C1orf159: variants seen among roughly 807,000 people sequenced by gnomAD.
C1orf159 encodes uncharacterized protein C1orf159.
C1orf159 carries 19 observed loss-of-function variants against 25.6 expected under a neutral mutation model. The ratio of observed to expected loss-of-function variants is 0.74; its 90% CI spans 0.52 to 1.09. The LOEUF is 1.09. Ranked by LOEUF, C1orf159 falls within the 50% of genes least tolerant of loss-of-function variation. The probability of loss-of-function intolerance (pLI) is 0.00; values close to 1 mark genes in which losing one functional copy is unlikely to be tolerated. For missense variants in C1orf159, 274 were observed against 290.6 expected, an observed-to-expected ratio of 0.94 and a Z score of 0.42; for synonymous variants, 139 against 124.7, an observed-to-expected ratio of 1.12 and a Z score of -0.77.
chr1:1,099,116 G>A (rs201332138), intron 1 of C1orf159, among the ~76,000 whole-genome samples: 2,690 of 88,432 alleles, frequency 0.03, 10 homozygotes, highest in African/African-American at 0.099. Flanking sequence ...TAAAATCTCT[G>A]ACGATGATTG....
intron 1 of C1orf159, among the ~76,000 whole-genome samples, chr1:1,095,505 C>T (rs1368904163): frequency 2.0e-5 from 3 of 152,232 alleles, no homozygotes; most frequent in Admixed American, 6.5e-5. Flanking sequence ...ATAAACTTTG[C>T]ACCTTAGCCT....
At position 1,111,855 on chromosome 1, in the gene C1orf159, G is replaced by A. The variant is rs112807825; in HGVS notation, c.-136+4205C>T. Among the ~76,000 whole-genome samples the A allele has an allele frequency of 3.3e-3, 502 of 152,330 alleles. 3 individuals carry two copies. The highest frequency in any genetic ancestry group is 0.011 in the African/African-American group (472 of 41,570). ...CAAGCAAAGGAAGCCAACGTGAAAC[G>A]TAGCTTTAAGGGCCCAATAAGAACT... is the stretch of plus-strand genomic sequence containing the variant. On this transcript the variant is annotated intron_variant, in intron 1 of 9. Transcript: ENST00000421241.
intron 1 of C1orf159, among the ~76,000 whole-genome samples, chr1:1,108,151 C>A (rs113118746): frequency 6.8e-6 from 1 of 146,036 alleles, no homozygotes; most frequent in Non-Finnish European, 1.5e-5. Context: ...GCAGCACCGT[C>A]CACCACAGCC....
chr1:1,084,497 AG>A lies in C1orf159; in HGVS notation c.454del (p.Leu152CysfsTer9), dbSNP rs1557744924. ...GTTACTTACGGCTTCGCCAGGCTGCAGGGCCGGAGCTGTGGGGGAGAAAGCG... is the reference window on the plus strand; with the variant it reads ...GTTACTTACGGCTTCGCCAGGCTGCAGGCCGGAGCTGTGGGGGAGAAAGCG... Reference protein sequence around the residue: ...ACYRRNKAPALQPGEAAAMIP... With the variant: ...ACYRRNKAPAXQPGEAAAMIP... On this transcript the variant is annotated frameshift_variant, in exon 8 of 10. Coordinates refer to ENST00000421241, the MANE Select transcript of C1orf159 (RefSeq NM_017891.5). LOFTEE classifies it high-confidence loss of function. 1 of 1,555,434 alleles carries A rather than the reference AG, an allele frequency of 6.4e-7. No homozygotes were observed. The highest frequency in any genetic ancestry group is 1.9e-5 in the Admixed American group (1 of 51,294).
chr1:1,113,577 C>T (rs1646291790), intron 1 of C1orf159, among the ~76,000 whole-genome samples: 1 of 152,132 alleles, frequency 6.6e-6, no homozygotes, highest in Non-Finnish European at 1.5e-5. Flanking sequence ...AGCATGTTAG[C>T]AGCAGTGAAC....
chr1:1,104,571 G>A (rs1022493779), intron 1 of C1orf159, among the ~76,000 whole-genome samples: 3 of 152,168 alleles, frequency 2.0e-5, no homozygotes, highest in Non-Finnish European at 4.4e-5. Context: ...AGAAACCAAG[G>A]CGATTTTAGT....
rs938765127 is a variant in C1orf159, at chr1:1,082,805, C to A, written c.*88G>T. On this transcript the variant is annotated 3_prime_UTR_variant, in exon 10 of 10. Coordinates refer to ENST00000421241, the MANE Select transcript of C1orf159 (RefSeq NM_017891.5). Reference sequence around the variant, plus strand: ...GCCCAGGACTGTCCCGGGCGCCGGGCGATGCCAACACTTTGTGCTGGTTCC... The same window carrying A: ...GCCCAGGACTGTCCCGGGCGCCGGGAGATGCCAACACTTTGTGCTGGTTCC... 7 of 1,235,088 alleles carry A rather than the reference C, an allele frequency of 5.7e-6. No homozygotes were observed. Among genetic ancestry groups the A allele is most frequent in the Non-Finnish European group, 8.1e-6 (7 of 861,870 alleles). 76.5% of individuals were successfully genotyped at this position (1,235,088 alleles called of 1,614,324 possible).
Position 1,087,046 on chromosome 1 carries a change from G to T in C1orf159, c.310+93C>A. The T allele has an allele frequency of 1.5e-6, 2 of 1,295,524 alleles. No homozygotes were observed. Among genetic ancestry groups the T allele is most frequent in the Non-Finnish European group, 2.2e-6 (2 of 925,864 alleles). 80.3% of individuals were successfully genotyped at this position (1,295,524 alleles called of 1,614,324 possible). On this transcript the variant is annotated intron_variant, in intron 6 of 9. Coordinates refer to ENST00000421241, the MANE Select transcript of C1orf159 (RefSeq NM_017891.5). This position sits in a 1 kb window ranked among gnomAD's most constrained non-coding sequence, Gnocchi z 8.3. ...TGTTTTGCAGAACCCTGAGCCTGCT[G>T]TGGCTGCGTCAAGGGTGAGGGTCTG... is the stretch of plus-strand genomic sequence containing the variant.
chr1:1,082,845 C>G lies in C1orf159; in HGVS notation c.*48G>C, dbSNP rs773051033. The G allele has an allele frequency of 1.3e-6, 2 of 1,503,456 alleles. No homozygotes were observed. Among genetic ancestry groups the G allele is most frequent in the African/African-American group, 2.8e-5 (2 of 72,178 alleles). 93.1% of individuals were successfully genotyped at this position (1,503,456 alleles called of 1,614,324 possible). A position where few individuals can be genotyped will look rare whatever the true frequency, so the allele number is the denominator to read the frequency against. ...GTGCTGGTTCCCGCCAAGGGGTCGG[C>G]CTCCGGGTCCCTGCCGCCAAGTGCG... On this transcript the variant is annotated 3_prime_UTR_variant, in exon 10 of 10. Transcript: ENST00000421241.
intron 1 of C1orf159, among the ~76,000 whole-genome samples, chr1:1,098,053 T>C (rs2100759044): frequency 6.6e-6 from 1 of 152,210 alleles, no homozygotes; most frequent in South Asian, 2.1e-4. Context: ...TCTTCTGTTA[T>C]TTTTTCCCCA....
rs1199566084 is a variant in C1orf159 at position 1,110,959 on chromosome 1, C to T, written c.-136+5101G>A. Among the ~76,000 whole-genome samples the T allele has an allele frequency of 6.6e-6, 1 of 152,206 alleles. No individual in the cohort carries two copies. The highest frequency in any genetic ancestry group is 6.5e-5 in the Admixed American group (1 of 15,284). On this transcript the variant is annotated intron_variant, in intron 1 of 9. Coordinates refer to ENST00000421241, the MANE Select transcript of C1orf159 (RefSeq NM_017891.5). This position sits in a 1 kb window ranked among gnomAD's most constrained non-coding sequence, Gnocchi z 4.8. Reference sequence around the variant, plus strand: ...GGCAGGCGGGCGCTGGAGCAGCCTGCGAGGCAATCTCCATGGATCACAGGC... The same window carrying T: ...GGCAGGCGGGCGCTGGAGCAGCCTGTGAGGCAATCTCCATGGATCACAGGC...
chr1:1,113,948 G>C (rs985064987), intron 1 of C1orf159, among the ~76,000 whole-genome samples: 8 of 131,000 alleles, frequency 6.1e-5, no homozygotes, highest in African/African-American at 2.4e-4. Context: ...ATGGAGTCTC[G>C]CTCTGTCACC....
Position 1,087,289 on chromosome 1 carries a change from G to C in C1orf159, c.245-85C>G, listed in dbSNP as rs1050380395. The C allele has an allele frequency of 6.5e-6, 9 of 1,378,070 alleles. No homozygotes were observed. The highest frequency in any genetic ancestry group is 1.4e-5 in the African/African-American group (1 of 69,236). 85.4% of individuals were successfully genotyped at this position (1,378,070 alleles called of 1,614,324 possible). ...TGCACCCTGAAGGGATCTCAGGACG[G>C]AAATATGAAAGCGAGGGGCTGAGGG... On this transcript the variant is annotated intron_variant, in intron 5 of 9. Coordinates refer to ENST00000421241, the MANE Select transcript of C1orf159 (RefSeq NM_017891.5). This position sits in a 1 kb window ranked among gnomAD's most constrained non-coding sequence, Gnocchi z 8.3.
chr1:1,090,639 T>A (rs1004724350), intron 3 of C1orf159: 9 of 688,930 alleles, frequency 1.3e-5, no homozygotes, highest in Non-Finnish European at 2.2e-5. Context: ...TGTGGGACCC[T>A]GGGTGGGCGG....
intron 3 of C1orf159, chr1:1,091,268 A>G: frequency 1.5e-6 from 1 of 662,628 alleles, no homozygotes; most frequent in Non-Finnish European, 2.6e-6. Flanking sequence ...ATTCCTGAGC[A>G]GGCGCTCACC....
At chr1:1,098,226 C>T (rs1382398062) in intron 1 of C1orf159, among the ~76,000 whole-genome samples, 3 of 152,068 alleles carry the variant, frequency 2.0e-5, no homozygotes, top group East Asian at 1.9e-4. Context: ...TGCACCACCA[C>T]GCCCAGCTAA....
rs1248961459 is a variant in C1orf159, at chr1:1,082,842, C to T, written c.*51G>A. The T allele has an allele frequency of 6.1e-6, 9 of 1,480,000 alleles. No homozygotes were observed. The highest frequency in any genetic ancestry group is 2.5e-5 in the East Asian group (1 of 40,730). The allele number at this position is 1,480,000 out of a possible 1,614,324, so 91.7% of individuals were successfully genotyped here. On this transcript the variant is annotated 3_prime_UTR_variant, in exon 10 of 10. Transcript: ENST00000421241. ...TTTGTGCTGGTTCCCGCCAAGGGGT[C>T]GGCCTCCGGGTCCCTGCCGCCAAGT...
At chr1:1,098,705 G>GCCTCCCA (rs1646045284) in intron 1 of C1orf159, among the ~76,000 whole-genome samples, 8 of 152,084 alleles carry the variant, frequency 5.3e-5, no homozygotes, top group Admixed American at 5.2e-4. Flanking sequence ...TCCGTCTTTT[G>GCCTCCCA]GGTTCACACC....
chr1:1,083,128 C>T (rs1645772010), intron 9 of C1orf159, 141 bp from the exon 10 acceptor site: 2 of 631,780 alleles, frequency 3.2e-6, no homozygotes, highest in Non-Finnish European at 5.3e-6. Flanking sequence ...CAGGTGGGAA[C>T]CCAGATGCCC....
Sources: allele counts gnomAD v4.1 joint callset (sites outside exome capture counted in the v4.1 genomes callset), GRCh38; gene constraint gnomAD v4.1.1; non-coding constraint Gnocchi (gnomAD v3.1); transcripts MANE v1.5; gene names NCBI Gene and HGNC (gene_info 2026-07-23, HGNC 2026-07-21).